Variants in GRIP1 observed in about 807,000 individuals in gnomAD.
The protein encoded by GRIP1 is glutamate receptor interacting protein 1.
Under a neutral mutation model 129.9 loss-of-function variants are expected in GRIP1, and 45 were observed. That is an observed-to-expected ratio of 0.35 (90% CI 0.27 to 0.44). GRIP1 has a LOEUF of 0.44. Among genes scored for constraint, GRIP1 ranks in the 20% least tolerant of loss-of-function variants. The pLI is 1.00. For synonymous variants in GRIP1, 530 were observed against 520.8 expected, an observed-to-expected ratio of 1.02 and a Z score of -0.24; for missense variants, 1,196 against 1,396.8, an observed-to-expected ratio of 0.86 and a Z score of 2.29.
chr12:67,010,573 A>C (rs2042690664), intron 1 of GRIP1, among the ~76,000 whole-genome samples: 1 of 152,214 alleles, frequency 6.6e-6, no homozygotes, highest in African/African-American at 2.4e-5. Context: ...GGAGAGTGAC[A>C]AGAATGTTAG....
chr12:66,462,777 G>C lies in GRIP1; in HGVS notation c.1042+147C>G, dbSNP rs1415663383. The C allele has an allele frequency of 1.2e-5, 7 of 606,070 alleles. No homozygotes were observed. The East Asian group carries it at 2.0e-4, about 18-fold the overall frequency. The allele number at this position is 606,070 out of a possible 1,614,324, so 37.5% of individuals were successfully genotyped here. On this transcript the variant is annotated intron_variant, in intron 9 of 24. Coordinates refer to ENST00000359742, the MANE Select transcript of GRIP1 (RefSeq NM_001366722.1). ...AGATCATGCTACTGCATTCCAGTCTGGGGGACAGAGTGAGACTCCATCTCA... is the reference window on the plus strand; with the variant it reads ...AGATCATGCTACTGCATTCCAGTCTCGGGGACAGAGTGAGACTCCATCTCA...
chr12:66,837,688 A>G (rs2039639838), intron 1 of GRIP1, among the ~76,000 whole-genome samples: 1 of 152,258 alleles, frequency 6.6e-6, no homozygotes, highest in Non-Finnish European at 1.5e-5. Flanking sequence ...TGTTGGTGGT[A>G]TAGAGAATAG....
intron 23 of GRIP1, among the ~76,000 whole-genome samples, chr12:66,370,307 G>A (rs1023597905): frequency 3.3e-5 from 5 of 152,168 alleles, no homozygotes; most frequent in African/African-American, 1.2e-4. Context: ...GTACTCCCTG[G>A]GGAGTTGTAA....
At chr12:66,765,907 A>C (rs1241564448) in intron 1 of GRIP1, among the ~76,000 whole-genome samples, 2 of 152,180 alleles carry the variant, frequency 1.3e-5, no homozygotes, top group African/African-American at 4.8e-5. Flanking sequence ...GGAGGAAATG[A>C]CTGCAGACAT....
chr12:66,709,397 C>T (rs1377862892), intron 1 of GRIP1, among the ~76,000 whole-genome samples: 2 of 151,934 alleles, frequency 1.3e-5, no homozygotes, highest in African/African-American at 2.4e-5. Context: ...TAAAGAGAAT[C>T]CCTTATCCAT....
intron 1 of GRIP1, among the ~76,000 whole-genome samples, chr12:67,068,038 C>A (rs975392433): frequency 6.6e-6 from 1 of 152,174 alleles, no homozygotes; most frequent in African/African-American, 2.4e-5. Context: ...ACCTTGCCAG[C>A]CAGCGTTCCT....
At position 66,452,707 on chromosome 12, in the gene GRIP1, G is replaced by A. The variant is rs184481366; in HGVS notation, c.1354+2702C>T. 3.3e-5 allele frequency among the ~76,000 whole-genome samples: 5 copies of A among 152,184 alleles called. No homozygotes were observed. In the East Asian group the frequency reaches 7.7e-4, roughly 23 times the overall value. On this transcript the variant is annotated intron_variant, in intron 11 of 24. Transcript: ENST00000359742. Reference sequence around the variant, plus strand: ...AAAGGGGGCAGCAAATGGTGGCACAGGATAAAGACATAAATAAAGCAGTGG... The same window carrying A: ...AAAGGGGGCAGCAAATGGTGGCACAAGATAAAGACATAAATAAAGCAGTGG...
At position 66,566,810 on chromosome 12, in the gene GRIP1, G is replaced by T. The variant is rs542131699; in HGVS notation, c.137-24860C>A. 3.3e-5 allele frequency among the ~76,000 whole-genome samples: 5 copies of T among 152,164 alleles called. No homozygotes were observed. In the East Asian group the frequency reaches 5.8e-4, roughly 18 times the overall value. On this transcript the variant is annotated intron_variant, in intron 2 of 24. Transcript: ENST00000359742. Reference sequence around the variant, plus strand: ...TATTAATCATTGCTTCAATTTCAGAGCCTGTTATTGGTCTATTCAGGGATT... The same window carrying T: ...TATTAATCATTGCTTCAATTTCAGATCCTGTTATTGGTCTATTCAGGGATT...
chr12:66,876,095 AAGT>A (rs2040377631), intron 1 of GRIP1, among the ~76,000 whole-genome samples: 2 of 152,070 alleles, frequency 1.3e-5, no homozygotes, highest in Non-Finnish European at 2.9e-5. Flanking sequence ...ACAACAAGAA[AAGT>A]ATGAGCACTT....
intron 5 of GRIP1, among the ~76,000 whole-genome samples, chr12:66,528,022 C>T (rs955057757): frequency 6.6e-6 from 1 of 151,932 alleles, no homozygotes; most frequent in Non-Finnish European, 1.5e-5. Context: ...CCTATTGAAG[C>T]TCATTGTCAT....
At chr12:66,711,425 C>T (rs2035709213) in intron 1 of GRIP1, among the ~76,000 whole-genome samples, 1 of 151,760 alleles carries the variant, frequency 6.6e-6, no homozygotes, top group African/African-American at 2.4e-5. Context: ...AGAAAGTTTT[C>T]TGAACATGAT....
rs1001976491 is a variant in GRIP1, at chr12:66,989,130, C to G, written c.58+79920G>C. 5.9e-5 allele frequency among the ~76,000 whole-genome samples: 9 copies of G among 152,202 alleles called. No homozygotes were observed. In the South Asian group the frequency reaches 1.0e-3, roughly 17 times the overall value. On this transcript the variant is annotated intron_variant, in intron 1 of 1. Coordinates refer to the GRIP1 transcript ENST00000643019. ...GTGGAAGACTATACTGTGAATCACA[C>G]AATCCTGGCTCTAAAGCTGTCATTC...
chr12:66,677,435 C>T (rs2034389348), intron 1 of GRIP1, among the ~76,000 whole-genome samples: 1 of 152,046 alleles, frequency 6.6e-6, no homozygotes, highest in Non-Finnish European at 1.5e-5. Context: ...AAAATCAGGT[C>T]AGAAAAGAAC....
intron 1 of GRIP1, among the ~76,000 whole-genome samples, chr12:66,845,750 G>A (rs1320680668): frequency 1.3e-5 from 2 of 152,244 alleles, no homozygotes; most frequent in South Asian, 2.1e-4. Context: ...GTAGGTCAAG[G>A]AGAATCTCTA....
At chr12:66,793,996 T>A (rs1042213936) in intron 1 of GRIP1, among the ~76,000 whole-genome samples, 2 of 152,156 alleles carry the variant, frequency 1.3e-5, no homozygotes, top group African/African-American at 4.8e-5. Context: ...CATAATAAAC[T>A]TCGTAGCATG....
At chr12:66,713,961 TA>T (rs2035789896) in intron 1 of GRIP1, among the ~76,000 whole-genome samples, 1 of 151,970 alleles carries the variant, frequency 6.6e-6, no homozygotes, top group Non-Finnish European at 1.5e-5. Flanking sequence ...TAGGCAAGGG[TA>T]AAAAAATTCA....
At chr12:66,548,755 G>A (rs2062028601) in intron 2 of GRIP1, among the ~76,000 whole-genome samples, 1 of 152,168 alleles carries the variant, frequency 6.6e-6, no homozygotes, top group Non-Finnish European at 1.5e-5. Flanking sequence ...CACTGAGAAA[G>A]GGAATCTAGA....
At chr12:66,588,241 G>T (rs2063716355) in intron 2 of GRIP1, among the ~76,000 whole-genome samples, 1 of 152,134 alleles carries the variant, frequency 6.6e-6, no homozygotes, top group Non-Finnish European at 1.5e-5. Context: ...AAAGGCATAA[G>T]TGTATGGAAC....
intron 7 of GRIP1, among the ~76,000 whole-genome samples, chr12:66,489,698 T>C (rs2060053608): frequency 1.3e-5 from 2 of 152,176 alleles, no homozygotes; most frequent in Non-Finnish European, 2.9e-5. Context: ...GATGATATGA[T>C]GCTGCATTGA....
Sources: allele counts gnomAD v4.1 joint callset (sites outside exome capture counted in the v4.1 genomes callset), GRCh38; gene constraint gnomAD v4.1.1; transcripts MANE v1.5; gene names NCBI Gene and HGNC (gene_info 2026-07-23, HGNC 2026-07-21).